EYS: variants seen among roughly 807,000 people sequenced by gnomAD.
The protein encoded by EYS is protein eyes shut homolog.
A neutral mutation model predicts 282.1 loss-of-function variants in EYS; 250 were observed. The ratio of observed to expected loss-of-function variants is 0.89; its 90% confidence interval spans 0.80 to 0.98. The LOEUF (loss-of-function observed/expected upper bound fraction) is 0.98. EYS is among the 50% of genes least tolerant of loss of function. The pLI is 0.00. For missense variants in EYS, 4,016 were observed against 3,709.0 expected (o/e 1.08, Z -2.15); for synonymous variants, 1,355 against 1,282.9 (o/e 1.06, Z -1.20).
At chr6:63,911,600 CA>C (rs1343048917) in intron 35 of EYS, among the ~76,000 whole-genome samples, 1 of 152,194 alleles carries the variant, frequency 6.6e-6, no homozygotes, top group African/African-American at 2.4e-5. Context: ...TAAAAATTAT[CA>C]AAACTTTGGA....
intron 13 of EYS, among the ~76,000 whole-genome samples, chr6:65,026,542 T>C (rs2224205): frequency 0.068 from 10,408 of 152,142 alleles, 449 homozygotes; most frequent in East Asian, 0.13. Flanking sequence ...TGCGTTGCCT[T>C]CCTGTGTCAG....
chr6:65,190,388 T>G (rs1476914731), intron 12 of EYS, among the ~76,000 whole-genome samples: 3 of 150,478 alleles, frequency 2.0e-5, no homozygotes, highest in Non-Finnish European at 4.4e-5. Flanking sequence ...TTTACATTCA[T>G]CGTTATTCAT....
At chr6:63,971,378 A>G (rs981842782) in intron 35 of EYS, among the ~76,000 whole-genome samples, 2 of 152,234 alleles carry the variant, frequency 1.3e-5, no homozygotes, top group Admixed American at 1.3e-4. Context: ...ATAAAACAGG[A>G]AAATAATCCT....
In EYS at chr6:64,931,270, C is replaced by G. The variant is rs575157428; in HGVS notation, c.2381+14523G>C. On this transcript the variant is annotated intron_variant, in intron 15 of 42. Transcript: ENST00000503581. ...ATTAAAATATGCAATTTTAAGTGTT[C>G]ATTATGGTATATAATTTTCTTCAAA... Among the ~76,000 whole-genome samples the G allele has an allele frequency of 4.6e-5, 7 of 152,140 alleles. No homozygotes were observed. In the East Asian group the frequency reaches 1.4e-3, roughly 29 times the overall value.
At chr6:64,849,770 C>T (rs568444950) in intron 19 of EYS, among the ~76,000 whole-genome samples, 24 of 152,018 alleles carry the variant, frequency 1.6e-4, no homozygotes, top group African/African-American at 5.5e-4. Context: ...TTGCTAGAGG[C>T]AACCTGTGTA....
chr6:65,460,001 T>TATAC (rs1180788891), intron 5 of EYS, among the ~76,000 whole-genome samples: 2 of 126,404 alleles, frequency 1.6e-5, no homozygotes, highest in Non-Finnish European at 3.4e-5. Flanking sequence ...TATATATATA[T>TATAC]ATATATAATT....
At chr6:64,192,064 T>G (rs533336514) in intron 31 of EYS, among the ~76,000 whole-genome samples, 2 of 142,406 alleles carry the variant, frequency 1.4e-5, no homozygotes, top group Admixed American at 7.1e-5. Flanking sequence ...TTGATTTGCA[T>G]TTCTCTGATG....
At chr6:63,982,987 G>A (rs1767172969) in intron 35 of EYS, among the ~76,000 whole-genome samples, 1 of 151,760 alleles carries the variant, frequency 6.6e-6, no homozygotes, top group African/African-American at 2.4e-5. Flanking sequence ...TATGGGGTTT[G>A]AAAGTTGCCT....
intron 29 of EYS, among the ~76,000 whole-genome samples, chr6:64,363,528 C>A (rs1418045955): frequency 1.3e-5 from 2 of 151,758 alleles, no homozygotes; most frequent in African/African-American, 2.4e-5. Flanking sequence ...AGTTTAATTT[C>A]TTTGTTTTTA....
chr6:64,593,272 C>T lies in EYS; in HGVS notation c.3722G>A (p.Arg1241Lys), dbSNP rs1766469377. 6.5e-7 allele frequency: 1 copy of T among 1,550,302 alleles called. No homozygotes were observed. The highest frequency in any genetic ancestry group is 1.4e-5 in the African/African-American group (1 of 72,924). ...GATGGGAGTTAAACAGGTAATTCTCCTTATTTCATCACCACAAAGAAGCCC... is the reference window on the plus strand; with the variant it reads ...GATGGGAGTTAAACAGGTAATTCTCTTTATTTCATCACCACAAAGAAGCCC... ...SIGLLCGDEI[R>K]RITCLTPIFQ... Residue 1241 changes from arginine to lysine, a missense_variant, in exon 25 of 43, where the codon AGG becomes AAG. Arg to Lys is a conservative substitution (Grantham distance 26). Transcript: ENST00000503581.
intron 22 of EYS, among the ~76,000 whole-genome samples, chr6:64,677,885 T>C (rs1018290770): frequency 1.3e-5 from 2 of 151,004 alleles, no homozygotes; most frequent in Admixed American, 6.6e-5. Context: ...GAACAAGGAG[T>C]TGATATATAC....
In EYS at chr6:65,296,116, G is replaced by A; in HGVS notation, c.1770C>T (p.Cys590=). Reference sequence around the variant, plus strand: ...TGCCAATGTAACTAAGAGAACAGCTGCATCTGAAACACAGAGAAATGAAAA... The same window carrying A: ...TGCCAATGTAACTAAGAGAACAGCTACATCTGAAACACAGAGAAATGAAAA... ...VCKDEINRPR[C]SCSLSYIGRL... The change falls in exon 12 of 43, where the codon TGC becomes TGT. Residue 590 remains cysteine (C), a synonymous_variant. Coordinates refer to ENST00000503581, the MANE Select transcript of EYS (RefSeq NM_001142800.2). 6.5e-7 allele frequency: 1 copy of A among 1,543,858 alleles called. No homozygotes were observed. The highest frequency in any genetic ancestry group is 8.7e-7 in the Non-Finnish European group (1 of 1,144,584).
chr6:63,981,659 A>G (rs1414018436), intron 35 of EYS, among the ~76,000 whole-genome samples: 1 of 151,904 alleles, frequency 6.6e-6, no homozygotes, highest in Non-Finnish European at 1.5e-5. Context: ...TAAACAGTGC[A>G]TGCCAAATCA....
intron 18 of EYS, among the ~76,000 whole-genome samples, chr6:64,891,612 G>C (rs886627115): frequency 3.3e-5 from 5 of 151,892 alleles, no homozygotes; most frequent in Non-Finnish European, 7.4e-5. Flanking sequence ...TTTTCCTTTC[G>C]CTATTACCTG....
At chr6:64,636,709 C>G (rs1320366139) in intron 22 of EYS, among the ~76,000 whole-genome samples, 4 of 151,966 alleles carry the variant, frequency 2.6e-5, no homozygotes, top group African/African-American at 9.7e-5. Flanking sequence ...GGGCTAATAT[C>G]CAGAATCTAC....
intron 36 of EYS, among the ~76,000 whole-genome samples, chr6:63,825,062 G>A (rs1424502661): frequency 6.6e-6 from 1 of 152,146 alleles, no homozygotes; most frequent in Non-Finnish European, 1.5e-5. Flanking sequence ...CTGTTGTTGG[G>A]GGCATGGTGG....
intron 34 of EYS, among the ~76,000 whole-genome samples, chr6:63,986,661 C>A (rs1767381396): frequency 6.6e-6 from 1 of 151,830 alleles, no homozygotes; most frequent in South Asian, 2.1e-4. Context: ...TTATCCTCAG[C>A]AAACTAATGA....
At chr6:65,508,771 C>T (rs930923168) in intron 2 of EYS, among the ~76,000 whole-genome samples, 1 of 151,982 alleles carries the variant, frequency 6.6e-6, no homozygotes, top group African/African-American at 2.4e-5. Flanking sequence ...CCCTTGCTAA[C>T]AGTCCTGGCA....
chr6:65,224,862 C>A (rs1766578850), intron 12 of EYS, among the ~76,000 whole-genome samples: 1 of 152,028 alleles, frequency 6.6e-6, no homozygotes, highest in African/African-American at 2.4e-5. Flanking sequence ...AAAAATGAGT[C>A]AGGAAGAAAT....
Sources: allele counts gnomAD v4.1 joint callset (sites outside exome capture counted in the v4.1 genomes callset), GRCh38; gene constraint gnomAD v4.1.1; transcripts MANE v1.5; gene names NCBI Gene and HGNC (gene_info 2026-07-23, HGNC 2026-07-21).